The following DLGAP1 variants were observed in gnomAD, a reference collection of about 807,000 sequenced individuals.
DLGAP1 encodes the protein disks large-associated protein 1.
DLGAP1 carries 11 observed loss-of-function variants against 90.8 expected under a neutral mutation model. The ratio of observed to expected loss-of-function variants is 0.12; its 90% CI spans 0.08 to 0.20. The LOEUF is 0.20. Ranked by LOEUF, DLGAP1 falls within the 10% of genes least tolerant of loss-of-function variation. DLGAP1 has a pLI of 1.00. For missense variants in DLGAP1, 1,050 were observed against 1,333.8 expected (o/e 0.79, Z 3.31); for synonymous variants, 558 against 540.7 (o/e 1.03, Z -0.44).
chr18:4,105,523 T>C (rs1341824311), intron 2 of DLGAP1, among the ~76,000 whole-genome samples: 1 of 152,252 alleles, frequency 6.6e-6, no homozygotes, highest in African/African-American at 2.4e-5. Flanking sequence ...AAATTCATAT[T>C]ATACTCACTT....
At chr18:4,225,560 G>A (rs115640891) in intron 1 of DLGAP1, among the ~76,000 whole-genome samples, 178 of 152,022 alleles carry the variant, frequency 1.2e-3, no homozygotes, top group African/African-American at 4.0e-3. Flanking sequence ...TCAAGGAAAC[G>A]CAGAGAAGGA....
At chr18:3,689,129 AAAT>A (rs908867144) in intron 7 of DLGAP1, among the ~76,000 whole-genome samples, 1 of 152,232 alleles carries the variant, frequency 6.6e-6, no homozygotes, top group Non-Finnish European at 1.5e-5. Flanking sequence ...CTAAGTTAAA[AAAT>A]AATATTTGAA....
chr18:4,126,553 C>T (rs1168883321), intron 2 of DLGAP1, among the ~76,000 whole-genome samples: 1 of 152,112 alleles, frequency 6.6e-6, no homozygotes, highest in African/African-American at 2.4e-5. Context: ...TACACACATA[C>T]AGGGTAAATA....
chr18:4,414,004 T>C (rs911647540), intron 1 of DLGAP1, among the ~76,000 whole-genome samples: 11 of 152,190 alleles, frequency 7.2e-5, no homozygotes, highest in African/African-American at 2.7e-4. Context: ...CCCTCATCCT[T>C]AGGCTCTGAA....
intron 1 of DLGAP1, among the ~76,000 whole-genome samples, chr18:4,413,357 C>T (rs1452922093): frequency 6.6e-6 from 1 of 152,130 alleles, no homozygotes; most frequent in Non-Finnish European, 1.5e-5. Context: ...TGCAAGTGCA[C>T]CTCCTCCATC....
intron 2 of DLGAP1, among the ~76,000 whole-genome samples, chr18:4,034,688 T>G (rs2074859424): frequency 6.6e-6 from 1 of 152,168 alleles, no homozygotes; most frequent in African/African-American, 2.4e-5. Flanking sequence ...TTATTTCACT[T>G]TGTAGGTGAA....
At chr18:3,947,999 G>A (rs1029310574) in intron 3 of DLGAP1, among the ~76,000 whole-genome samples, 5 of 152,090 alleles carry the variant, frequency 3.3e-5, no homozygotes, top group African/African-American at 1.2e-4. Flanking sequence ...GGAGGAGTTG[G>A]GCCTGTAGCT....
chr18:3,744,438 CTAAG>C (rs1296503087), intron 5 of DLGAP1, among the ~76,000 whole-genome samples: 2 of 152,050 alleles, frequency 1.3e-5, no homozygotes, highest in African/African-American at 2.4e-5. Flanking sequence ...ATGGAAGGCA[CTAAG>C]TAAGTGCTAA....
chr18:3,746,473 T>C (rs886397732), intron 5 of DLGAP1, among the ~76,000 whole-genome samples: 3 of 152,142 alleles, frequency 2.0e-5, no homozygotes, highest in Non-Finnish European at 2.9e-5. Flanking sequence ...TGGAAGTACA[T>C]GAAAATTTAA....
At chr18:4,098,951 A>G (rs1376922668) in intron 2 of DLGAP1, among the ~76,000 whole-genome samples, 1 of 152,176 alleles carries the variant, frequency 6.6e-6, no homozygotes, top group Non-Finnish European at 1.5e-5. Flanking sequence ...CCTTACAAGC[A>G]CTGGGTTTGT....
intron 3 of DLGAP1, among the ~76,000 whole-genome samples, chr18:3,914,313 T>C (rs1378121382): frequency 6.6e-6 from 1 of 152,226 alleles, no homozygotes; most frequent in Admixed American, 6.5e-5. Flanking sequence ...GTATTTGCCT[T>C]TCTGTGCTGG....
intron 9 of DLGAP1, among the ~76,000 whole-genome samples, chr18:3,555,860 ACTGG>A (rs974923666): frequency 3.3e-4 from 51 of 152,260 alleles, no homozygotes; most frequent in Admixed American, 1.2e-3. Context: ...GGAAAGATAG[ACTGG>A]CTGATTGCAG....
At chr18:3,640,563 A>C (rs1599677894) in intron 7 of DLGAP1, among the ~76,000 whole-genome samples, 1 of 152,348 alleles carries the variant, frequency 6.6e-6, no homozygotes, top group South Asian at 2.1e-4. Context: ...GTCAGGCCCC[A>C]GGGGTGGTTC....
intron 3 of DLGAP1, among the ~76,000 whole-genome samples, chr18:3,969,113 G>C (rs1332150688): frequency 6.6e-6 from 1 of 152,112 alleles, no homozygotes; most frequent in Non-Finnish European, 1.5e-5. Context: ...AGAAAATTAT[G>C]ATTATTTTGC....
At chr18:3,659,916 A>C (rs1241726650) in intron 7 of DLGAP1, among the ~76,000 whole-genome samples, 1 of 151,890 alleles carries the variant, frequency 6.6e-6, no homozygotes, top group Non-Finnish European at 1.5e-5. Context: ...CTTATTCCGG[A>C]CCCATTAGCC....
In DLGAP1 at chr18:3,680,923, C is replaced by G. The variant is rs372837954; in HGVS notation, c.1591+48212G>C. On this transcript the variant is annotated intron_variant, in intron 7 of 12. Transcript: ENST00000315677. ...GAAGCCTGAATCTATGCTGCAAACT[C>G]TGGTTTCCACAAGCCTCGTGAAAGA... is the stretch of plus-strand genomic sequence containing the variant. 9.2e-5 allele frequency among the ~76,000 whole-genome samples: 14 copies of G among 152,102 alleles called. 1 individual carries two copies. In the East Asian group the frequency reaches 1.2e-3, roughly 13 times the overall value.
intron 9 of DLGAP1, among the ~76,000 whole-genome samples, chr18:3,551,151 TTATATACATATA>T (rs1358447738): frequency 3.2e-4 from 2 of 6,336 alleles, no homozygotes; most frequent in Non-Finnish European, 4.3e-3. Flanking sequence ...CTGACTAATA[TTATATACATATA>T]TATATATATA....
At chr18:4,144,491 G>A (rs1382016764) in intron 2 of DLGAP1, among the ~76,000 whole-genome samples, 1 of 152,200 alleles carries the variant, frequency 6.6e-6, no homozygotes, top group Non-Finnish European at 1.5e-5. Flanking sequence ...TGGGAGACAG[G>A]GAAGGGGTGC....
chr18:3,714,781 C>T (rs527893908), intron 7 of DLGAP1, among the ~76,000 whole-genome samples: 14 of 151,710 alleles, frequency 9.2e-5, no homozygotes, highest in Admixed American at 1.3e-4. Flanking sequence ...ATTATAGGCA[C>T]GTGCCACCAC....
Sources: allele counts gnomAD v4.1 joint callset (sites outside exome capture counted in the v4.1 genomes callset), GRCh38; gene constraint gnomAD v4.1.1; transcripts MANE v1.5; gene names NCBI Gene and HGNC (gene_info 2026-07-23, HGNC 2026-07-21).